The following HPS1 variants were observed in gnomAD, a reference collection of about 807,000 sequenced individuals.
HPS1 encodes the protein BLOC-3 complex member HPS1.
Under a neutral mutation model 90.6 loss-of-function variants are expected in HPS1, and 59 were observed. The ratio of observed to expected loss-of-function variants is 0.65; its 90% confidence interval spans 0.53 to 0.81. HPS1 has a LOEUF of 0.81. Ranked by LOEUF, HPS1 falls within the 30% of genes least tolerant of loss-of-function variation. HPS1 has a pLI of 0.00. For synonymous variants in HPS1, 388 were observed against 384.4 expected (o/e 1.01, Z -0.11); for missense variants, 849 against 896.7 (o/e 0.95, Z 0.68).
chr10:98,437,797 G>C (rs1937631673), intron 3 of HPS1, among the ~76,000 whole-genome samples: 1 of 152,078 alleles, frequency 6.6e-6, no homozygotes. Context: ...TTTTTGGTGA[G>C]GGGATGACAT....
chr10:98,416,042 C>T (rs925569026), downstream of HPS1, among the ~76,000 whole-genome samples: 5 of 152,196 alleles, frequency 3.3e-5, no homozygotes, highest in African/African-American at 1.2e-4. Flanking sequence ...GCGGAGAGTT[C>T]CTGCACTGCT....
intron 13 of HPS1, among the ~76,000 whole-genome samples, chr10:98,425,077 C>T (rs1845415287): frequency 6.6e-6 from 1 of 152,232 alleles, no homozygotes; most frequent in South Asian, 2.1e-4. Context: ...GTCTCAGCTC[C>T]CCACCTGGGC....
At chr10:98,424,271 TG>T in intron 14 of HPS1, 41 bp downstream of exon 14, 1 of 1,490,228 alleles carries the variant, frequency 6.7e-7, no homozygotes, top group Non-Finnish European at 9.3e-7. Context: ...AACAGTCCCC[TG>T]GGCACACGAC....
chr10:98,426,341 C>T (rs1248232289), intron 11 of HPS1, among the ~76,000 whole-genome samples: 1 of 152,210 alleles, frequency 6.6e-6, no homozygotes, highest in East Asian at 1.9e-4. Context: ...ATGGAGGTAT[C>T]TAATGTTCAA....
At chr10:98,440,682 T>G (rs1938263317) in intron 3 of HPS1, among the ~76,000 whole-genome samples, 1 of 151,816 alleles carries the variant, frequency 6.6e-6, no homozygotes, top group Non-Finnish European at 1.5e-5. Context: ...TTCCTACAAT[T>G]AACTCATTAT....
At chr10:98,437,254 T>G (rs1433728123) in intron 3 of HPS1, among the ~76,000 whole-genome samples, 5 of 152,202 alleles carry the variant, frequency 3.3e-5, no homozygotes, top group Non-Finnish European at 7.3e-5. Context: ...AATTAATATT[T>G]GGTTAATGAA....
chr10:98,414,919 G>A, downstream of HPS1: 1 of 1,536,928 alleles, frequency 6.5e-7, no homozygotes, highest in Non-Finnish European at 8.8e-7. Flanking sequence ...GAGCAGTGGG[G>A]CTTGGCTCCC....
intron 1 of HPS1, among the ~76,000 whole-genome samples, chr10:98,446,502 G>T (rs1231175563): frequency 6.6e-6 from 1 of 152,222 alleles, no homozygotes; most frequent in African/African-American, 2.4e-5. Flanking sequence ...TCCTTCTGGG[G>T]TCCCACACCT....
chr10:98,434,211 C>A (rs1421994166), intron 5 of HPS1, 120 bp from the exon 6 acceptor site: 4 of 994,190 alleles, frequency 4.0e-6, no homozygotes, highest in Middle Eastern at 3.3e-4. Context: ...ATGACCTGCC[C>A]ACACAGCTGG....
Position 98,430,507 on chromosome 10 carries a change from T to C in HPS1, c.768+64A>G, listed in dbSNP as rs2296431. 0.63 allele frequency: 815,287 copies of C among 1,292,244 alleles called. 260,212 individuals carry two copies. The highest frequency in any genetic ancestry group is 0.83 in the African/African-American group (56,387 of 68,100). The allele number at this position is 1,292,244 out of a possible 1,614,324, so 80.0% of individuals were successfully genotyped here. A position where few individuals can be genotyped will look rare whatever the true frequency, so the allele number is the denominator to read the frequency against. On this transcript the variant is annotated intron_variant, in intron 8 of 19. Coordinates refer to ENST00000361490, the MANE Select transcript of HPS1 (RefSeq NM_000195.5). Reference sequence around the variant, plus strand: ...CCCAGGGGGAGCCTGCCCACCATCTTCAGGCAGGTTTTCTGAACTACCTCC... The same window carrying C: ...CCCAGGGGGAGCCTGCCCACCATCTCCAGGCAGGTTTTCTGAACTACCTCC...
rs949695953 is a variant in HPS1 at position 98,417,806 on chromosome 10, C to A, written c.1941-80G>T. On this transcript the variant is annotated intron_variant, in intron 19 of 19. Coordinates refer to ENST00000361490, the MANE Select transcript of HPS1 (RefSeq NM_000195.5). The surrounding 1 kb of genome is among the most constrained non-coding windows in gnomAD (Gnocchi z 4.2). ...CGCCAGAGGCCTCTCTGGGCCCTCG[C>A]AAGCAAATGCCCATGCCCTCGGTCA... 141 of 1,353,736 alleles carry A rather than the reference C, an allele frequency of 1.0e-4. No homozygotes were observed. The highest frequency in any genetic ancestry group is 1.4e-4 in the Non-Finnish European group (135 of 950,590). 83.9% of individuals were successfully genotyped at this position (1,353,736 alleles called of 1,614,324 possible). A position where few individuals can be genotyped will look rare whatever the true frequency, so the allele number is the denominator to read the frequency against.
chr10:98,418,577 C>G (rs112748788), intron 18 of HPS1, among the ~76,000 whole-genome samples: 6 of 152,318 alleles, frequency 3.9e-5, no homozygotes, highest in African/African-American at 1.4e-4. Context: ...AGAGCATTCA[C>G]AAAAGGCCCA....
chr10:98,417,497 T>C lies in HPS1; in HGVS notation c.*67A>G, dbSNP rs967208786. On this transcript the variant is annotated 3_prime_UTR_variant, in exon 20 of 20. Coordinates refer to ENST00000361490, the MANE Select transcript of HPS1 (RefSeq NM_000195.5). This position sits in a 1 kb window ranked among gnomAD's most constrained non-coding sequence, Gnocchi z 4.2. ...CACTGCAGACAGGAGGCTCTCGTCATGGGGAACAGTGGCAAGCAAGGGTGG... is the reference window on the plus strand; with the variant it reads ...CACTGCAGACAGGAGGCTCTCGTCACGGGGAACAGTGGCAAGCAAGGGTGG... 3.6e-6 allele frequency: 5 copies of C among 1,403,098 alleles called. No homozygotes were observed. Among genetic ancestry groups the C allele is most frequent in the Non-Finnish European group, 4.9e-6 (5 of 1,015,270 alleles). 86.9% of individuals were successfully genotyped at this position (1,403,098 alleles called of 1,614,324 possible).
rs547846730 is a variant in HPS1 at position 98,435,226 on chromosome 10, G to A, written c.398+46C>T. 26 of 1,612,552 alleles carry A rather than the reference G, an allele frequency of 1.6e-5. No individual in the cohort carries two copies. The highest frequency in any genetic ancestry group is 6.7e-5 in the African/African-American group (5 of 75,026). On this transcript the variant is annotated intron_variant, in intron 5 of 19. Coordinates refer to ENST00000361490, the MANE Select transcript of HPS1 (RefSeq NM_000195.5). This position sits in a 1 kb window ranked among gnomAD's most constrained non-coding sequence, Gnocchi z 4.3. Reference sequence around the variant, plus strand: ...CTGGGCACACGCTGCCTGGCCCAGCGAGGGTGCTCGGCAAAGGACAGAGGG... The same window carrying A: ...CTGGGCACACGCTGCCTGGCCCAGCAAGGGTGCTCGGCAAAGGACAGAGGG...
chr10:98,414,074 CATATATGTGTGTATATATACAT>C (rs962908100), downstream of HPS1: 182 of 152,068 alleles, frequency 1.2e-3, no homozygotes, highest in African/African-American at 4.1e-3. Flanking sequence ...TATATATACA[CATATATGTGTGTATATATACAT>C]ATATATACAT....
At chr10:98,422,332 A>G in intron 17 of HPS1, 37 bp downstream of exon 17, 2 of 1,596,498 alleles carry the variant, frequency 1.3e-6, no homozygotes, top group Non-Finnish European at 1.7e-6. Flanking sequence ...ATATTGGCTG[A>G]GGCCCACCCA....
intron 17 of HPS1, among the ~76,000 whole-genome samples, chr10:98,421,798 A>G (rs1367270717): frequency 6.6e-6 from 1 of 152,236 alleles, no homozygotes; most frequent in Admixed American, 6.5e-5. Context: ...ATTTCCTTCT[A>G]CAGATGAGGA....
chr10:98,414,937 C>G (rs1403664550), downstream of HPS1: 4 of 1,559,788 alleles, frequency 2.6e-6, no homozygotes, highest in Middle Eastern at 1.7e-4. Flanking sequence ...CCCCCTCCCC[C>G]TCCCCACCAA....
intron 6 of HPS1, among the ~76,000 whole-genome samples, chr10:98,432,355 T>C (rs1233543017): frequency 6.6e-6 from 1 of 152,254 alleles, no homozygotes; most frequent in African/African-American, 2.4e-5. Flanking sequence ...TTTTAGTATA[T>C]ACATGGCTGA....
Sources: allele counts gnomAD v4.1 joint callset (sites outside exome capture counted in the v4.1 genomes callset), GRCh38; gene constraint gnomAD v4.1.1; non-coding constraint Gnocchi (gnomAD v3.1); transcripts MANE v1.5; gene names NCBI Gene and HGNC (gene_info 2026-07-23, HGNC 2026-07-21).